The following LIPG variants were observed in gnomAD, a reference collection of about 807,000 sequenced individuals.
The protein encoded by LIPG is lipase G, endothelial type.
Under a neutral mutation model 51.8 loss-of-function variants are expected in LIPG, and 34 were observed. The ratio of observed to expected loss-of-function variants is 0.66; its 90% CI spans 0.50 to 0.87. LIPG has a LOEUF of 0.87. Ranked by LOEUF, LIPG falls within the 40% of genes least tolerant of loss-of-function variation. LIPG has a pLI of 0.00. For missense variants in LIPG, 580 were observed against 652.7 expected, an observed-to-expected ratio of 0.89 and a Z score of 1.21; for synonymous variants, 246 against 246.1, an observed-to-expected ratio of 1.00 and a Z score of 0.00.
At position 49,575,235 on chromosome 18, in the gene LIPG, T is replaced by G. The variant is rs115375342; in HGVS notation, c.572-134T>G. On this transcript the variant is annotated intron_variant, in intron 4 of 9. Coordinates refer to ENST00000261292, the MANE Select transcript of LIPG (RefSeq NM_006033.4). ...TGGGTTTCTTATTTTCTTCCATGCTTTCCATGTCTTGATTCTCCCAGCTGG... is the reference window on the plus strand; with the variant it reads ...TGGGTTTCTTATTTTCTTCCATGCTGTCCATGTCTTGATTCTCCCAGCTGG... 3,393 of 668,070 alleles carry G rather than the reference T, an allele frequency of 5.1e-3. 72 individuals are homozygous for G. The African/African-American group carries it at 0.054, about 11-fold the overall frequency. The allele number at this position is 668,070 out of a possible 1,614,324, so 41.4% of individuals were successfully genotyped here. A position where few individuals can be genotyped will look rare whatever the true frequency, so the allele number is the denominator to read the frequency against.
chr18:49,587,106 T>TAAA (rs11354327), intron 9 of LIPG, among the ~76,000 whole-genome samples: 1 of 128,502 alleles, frequency 7.8e-6, no homozygotes, highest in African/African-American at 2.8e-5. Context: ...CCATCTCTAC[T>TAAA]AAAAAAAAAA....
rs985970741 is a variant in LIPG at position 49,591,921 on chromosome 18, T to C, written c.*1399T>C. On this transcript the variant is annotated 3_prime_UTR_variant, in exon 10 of 10. Transcript: ENST00000261292. The stretch of plus-strand genomic sequence containing the variant: ...GGCAAAGTCTATCTCTGAAACTCCA[T>C]GAAGACTTTTGCAGCCAGTTCCCAC... 4.6e-5 allele frequency: 7 copies of C among 152,166 alleles called. No individual in the cohort carries two copies. The highest frequency in any genetic ancestry group is 7.2e-5 in the African/African-American group (3 of 41,440). 9.4% of individuals were successfully genotyped at this position (152,166 alleles called of 1,614,324 possible). A position where few individuals can be genotyped will look rare whatever the true frequency, so the allele number is the denominator to read the frequency against.
In LIPG at chr18:49,567,495, AAGAG is replaced by A. The variant is rs781282975; in HGVS notation, c.337_340del (p.Glu113LysfsTer5). 4 of 1,614,182 alleles carry A rather than the reference AAGAG, an allele frequency of 2.5e-6. No individual in the cohort carries two copies. The highest frequency in any genetic ancestry group is 1.7e-6 in the Non-Finnish European group (2 of 1,180,038). ...ACAAACTCGTGTCAGCCCTGCACAC[AAGAG>A]AGAAAGACGCCAATGTAGTTGTGGT... On this transcript the variant is annotated frameshift_variant, in exon 3 of 10. Coordinates refer to ENST00000261292, the MANE Select transcript of LIPG (RefSeq NM_006033.4). LOFTEE classifies it high-confidence loss of function.
chr18:49,577,657 C>A (rs1356670237), intron 5 of LIPG, among the ~76,000 whole-genome samples: 212 of 135,290 alleles, frequency 1.6e-3, no homozygotes, highest in African/African-American at 6.1e-3. Flanking sequence ...CTGACCCCCC[C>A]ACCTCCCTCC....
At chr18:49,566,138 C>G (rs183473762) in intron 2 of LIPG, among the ~76,000 whole-genome samples, 152 of 152,110 alleles carry the variant, frequency 1.0e-3, no homozygotes, top group African/African-American at 3.6e-3. Flanking sequence ...AGATTTCTGC[C>G]TGGGCTAATT....
At chr18:49,562,531 C>A in intron 1 of LIPG, 126 bp downstream of exon 1, 1 of 841,942 alleles carries the variant, frequency 1.2e-6, no homozygotes, top group Non-Finnish European at 2.0e-6. Flanking sequence ...TGCCCATTCT[C>A]TCCTCCAATC....
intron 1 of LIPG, among the ~76,000 whole-genome samples, chr18:49,564,120 T>C (rs2084578519): frequency 6.6e-6 from 1 of 152,130 alleles, no homozygotes; most frequent in Admixed American, 6.6e-5. Context: ...GCTGCATTCT[T>C]CCCCCTCTCT....
upstream of LIPG, chr18:49,561,887 C>G (rs531120528): frequency 4.7e-6 from 6 of 1,279,540 alleles, no homozygotes; most frequent in African/African-American, 9.1e-5. Context: ...GCGGCGTCCA[C>G]GCGGTGAGTG....
chr18:49,581,845 C>T, intron 6 of LIPG, 188 bp downstream of exon 6: 2 of 714,000 alleles, frequency 2.8e-6, no homozygotes, highest in East Asian at 5.3e-5. Context: ...ACAGTGTGGA[C>T]CCCTTTTGTG....
intron 9 of LIPG, chr18:49,590,211 G>T: frequency 1.0e-5 from 5 of 496,102 alleles, no homozygotes; most frequent in Non-Finnish European, 1.1e-5. Flanking sequence ...GTGTGTGTAT[G>T]TTGTGGGTGG....
rs1011033330 is a variant in LIPG, at chr18:49,594,746, A to G, written c.*4224A>G. 6.6e-6 allele frequency: 1 copy of G among 152,234 alleles called. No individual in the cohort carries two copies. Among genetic ancestry groups the G allele is most frequent in the Non-Finnish European group, 1.5e-5 (1 of 68,040 alleles). The allele number at this position is 152,234 out of a possible 1,614,324, so 9.4% of individuals were successfully genotyped here. A position where few individuals can be genotyped will look rare whatever the true frequency, so the allele number is the denominator to read the frequency against. On this transcript the variant is annotated 3_prime_UTR_variant, in exon 10 of 10. Coordinates refer to ENST00000261292, the MANE Select transcript of LIPG (RefSeq NM_006033.4). ...AAGCTCTTTATAAAGGGCTTTAGTG[A>G]TGGTGGAAACTCCACTGTCCATCTC...
upstream of LIPG, chr18:49,561,747 C>T: frequency 2.4e-6 from 3 of 1,244,348 alleles, no homozygotes; most frequent in Non-Finnish European, 3.0e-6. Context: ...AAATGTCCGC[C>T]TCCGCCACTT....
chr18:49,571,175 G>A (rs1371612659), intron 4 of LIPG, among the ~76,000 whole-genome samples: 1 of 152,196 alleles, frequency 6.6e-6, no homozygotes, highest in Admixed American at 6.5e-5. Flanking sequence ...CTGGTGCAAA[G>A]CAGTTTGACT....
intron 4 of LIPG, among the ~76,000 whole-genome samples, chr18:49,573,144 G>A (rs190159431): frequency 1.1e-4 from 17 of 152,330 alleles, no homozygotes; most frequent in Admixed American, 3.3e-4. Flanking sequence ...GGCACTGACC[G>A]TCTGGTGGGG....
Position 49,583,696 on chromosome 18 carries a change from A to G in LIPG, c.1298A>G (p.Tyr433Cys). 6 of 1,614,158 alleles carry G rather than the reference A, an allele frequency of 3.7e-6. No homozygotes were observed. Among genetic ancestry groups the G allele is most frequent in the Non-Finnish European group, 5.1e-6 (6 of 1,180,036 alleles). Residue 433 changes from tyrosine (Y) to cysteine (C), a missense_variant, in exon 8 of 10, where the codon TAC (tyrosine) becomes TGC (cysteine). Tyr to Cys is a radical substitution (Grantham distance 194, BLOSUM62 -2). Coordinates refer to ENST00000261292, the MANE Select transcript of LIPG (RefSeq NM_006033.4). ...WYNLWKEFRS[Y>C]LSQPRNPGRE... ...AACCTGTGGAAGGAGTTTCGCAGCT[A>G]CCTGTCTCAACCCCGCAACCCCGGA... is the stretch of plus-strand genomic sequence containing the variant.
rs902307331 is a variant in LIPG at position 49,591,658 on chromosome 18, T to G, written c.*1136T>G. 1 of 152,264 alleles carries G rather than the reference T, an allele frequency of 6.6e-6. No individual in the cohort carries two copies. 9.4% of individuals were successfully genotyped at this position (152,264 alleles called of 1,614,324 possible). ...CTTTAATACCAGTGCCTTTTCTTGT[T>G]GAACTTCTTGGAAAAGCCACCAATT... On this transcript the variant is annotated 3_prime_UTR_variant, in exon 10 of 10. Coordinates refer to ENST00000261292, the MANE Select transcript of LIPG (RefSeq NM_006033.4).
At chr18:49,581,891 C>G (rs562093578) in intron 6 of LIPG, 2 of 604,792 alleles carry the variant, frequency 3.3e-6, no homozygotes, top group South Asian at 4.1e-5. Context: ...ATATCAATAT[C>G]TTAAATTTCT....
chr18:49,572,911 C>T (rs749861471), intron 4 of LIPG, among the ~76,000 whole-genome samples: 4 of 152,178 alleles, frequency 2.6e-5, no homozygotes, highest in African/African-American at 4.8e-5. Context: ...TCTCTATCTC[C>T]TCTTTATTTA....
chr18:49,587,386 C>T (rs976611093), intron 9 of LIPG, among the ~76,000 whole-genome samples: 4 of 151,474 alleles, frequency 2.6e-5, no homozygotes, highest in Non-Finnish European at 5.9e-5. Context: ...CTGGCTAACA[C>T]AGTGAAACCT....
Sources: allele counts gnomAD v4.1 joint callset (sites outside exome capture counted in the v4.1 genomes callset), GRCh38; gene constraint gnomAD v4.1.1; transcripts MANE v1.5; gene names NCBI Gene and HGNC (gene_info 2026-07-23, HGNC 2026-07-21).